RBFOX2: variants seen among roughly 807,000 people sequenced by gnomAD.
RBFOX2 encodes the protein RNA binding protein fox-1 homolog 2.
A neutral mutation model predicts 49.1 loss-of-function variants in RBFOX2; 10 were observed. The ratio of observed to expected loss-of-function variants is 0.20; its 90% CI spans 0.13 to 0.35. RBFOX2 has a LOEUF of 0.35. Among genes scored for constraint, RBFOX2 ranks in the 10% least tolerant of loss-of-function variants. RBFOX2 has a pLI of 1.00. For missense variants in RBFOX2, 323 were observed against 486.9 expected (o/e 0.66, Z 3.17); for synonymous variants, 183 against 187.4 (o/e 0.98, Z 0.19).
chr22:35,837,418 T>C (rs1460768802), intron 1 of RBFOX2, among the ~76,000 whole-genome samples: 3 of 152,252 alleles, frequency 2.0e-5, no homozygotes, highest in South Asian at 2.1e-4. Context: ...ACCACCAGTA[T>C]AGACATTCTA....
chr22:35,910,945 T>A (rs1169332920), intron 1 of RBFOX2, among the ~76,000 whole-genome samples: 1 of 152,226 alleles, frequency 6.6e-6, no homozygotes, highest in Non-Finnish European at 1.5e-5. Flanking sequence ...ATGAGTTCAG[T>A]GGGACTTATT....
chr22:35,855,353 A>G (rs1309378293), intron 1 of RBFOX2, among the ~76,000 whole-genome samples: 1 of 152,180 alleles, frequency 6.6e-6, no homozygotes, highest in Non-Finnish European at 1.5e-5. Flanking sequence ...GAATTCAGAA[A>G]ATAGTCCTTC....
intron 1 of RBFOX2, among the ~76,000 whole-genome samples, chr22:36,010,389 T>C (rs1033043248): frequency 6.6e-6 from 1 of 152,076 alleles, no homozygotes. Flanking sequence ...CCTTCCTCTG[T>C]GACTCGGGCC....
At chr22:35,972,136 C>A (rs527649382) in intron 1 of RBFOX2, among the ~76,000 whole-genome samples, 251 of 151,902 alleles carry the variant, frequency 1.7e-3, no homozygotes, top group Admixed American at 3.3e-3. Context: ...CCCAGAAACC[C>A]CCCAAACAGT....
chr22:35,860,241 C>T (rs2149077180), intron 1 of RBFOX2, among the ~76,000 whole-genome samples: 1 of 152,194 alleles, frequency 6.6e-6, no homozygotes, highest in South Asian at 2.1e-4. Context: ...CTGAGGCTTG[C>T]CCTCTCTTGC....
intron 1 of RBFOX2, among the ~76,000 whole-genome samples, chr22:35,928,039 A>G (rs1466314737): frequency 6.6e-6 from 1 of 152,332 alleles, no homozygotes; most frequent in Non-Finnish European, 1.5e-5. Context: ...ATGACTTACT[A>G]GCCCTATTTA....
At chr22:35,760,140 G>A (rs1265767941) in intron 8 of RBFOX2, 120 bp from the exon 10 acceptor site, 7 of 1,317,722 alleles carry the variant, frequency 5.3e-6, no homozygotes, top group Non-Finnish European at 6.4e-6. Context: ...ACACCTTTTT[G>A]GAAAAGGTGG....
chr22:35,767,241 G>A (rs1941271579), intron 5 of RBFOX2, among the ~76,000 whole-genome samples: 1 of 150,536 alleles, frequency 6.6e-6, no homozygotes, highest in Non-Finnish European at 1.5e-5. Context: ...AAAAGGAAGA[G>A]GAACAACAAG....
At chr22:35,979,423 G>C (rs964024280) in intron 1 of RBFOX2, among the ~76,000 whole-genome samples, 1 of 152,212 alleles carries the variant, frequency 6.6e-6, no homozygotes, top group Non-Finnish European at 1.5e-5. Flanking sequence ...ATCTCTGCCA[G>C]TTATATAGGA....
chr22:36,002,384 TA>T (rs1366089740), intron 1 of RBFOX2, among the ~76,000 whole-genome samples: 1 of 151,874 alleles, frequency 6.6e-6, no homozygotes, highest in Admixed American at 6.6e-5. Flanking sequence ...ATCATGATTT[TA>T]AAAAAAACAA....
intron 1 of RBFOX2, among the ~76,000 whole-genome samples, chr22:35,878,067 C>T (rs1176343117): frequency 6.6e-6 from 1 of 151,562 alleles, no homozygotes; most frequent in Non-Finnish European, 1.5e-5. Context: ...CACACACACA[C>T]ACACACACAC....
At chr22:36,017,283 A>G (rs1603467757) in intron 1 of RBFOX2, among the ~76,000 whole-genome samples, 2 of 152,138 alleles carry the variant, frequency 1.3e-5, no homozygotes, top group African/African-American at 4.8e-5. Flanking sequence ...TAATCCCAGC[A>G]CTTTGCAAGC....
chr22:35,812,294 T>C (rs551061391), intron 1 of RBFOX2, among the ~76,000 whole-genome samples: 8 of 151,836 alleles, frequency 5.3e-5, no homozygotes, highest in Non-Finnish European at 8.8e-5. Context: ...AAAACCCCTC[T>C]CTTTAGTTCT....
intron 9 of RBFOX2, among the ~76,000 whole-genome samples, chr22:35,757,721 T>A (rs1006538698): frequency 6.6e-6 from 1 of 152,132 alleles, no homozygotes; most frequent in Non-Finnish European, 1.5e-5. Flanking sequence ...TTTAGCTAAG[T>A]CCCATTCATT....
chr22:35,890,444 T>C (rs1255760235), intron 1 of RBFOX2, among the ~76,000 whole-genome samples: 2 of 152,194 alleles, frequency 1.3e-5, no homozygotes, highest in South Asian at 2.1e-4. Flanking sequence ...AATAATTATA[T>C]ACTATAATAA....
intron 1 of RBFOX2, among the ~76,000 whole-genome samples, chr22:35,919,233 A>C (rs1176238946): frequency 6.6e-6 from 1 of 152,236 alleles, no homozygotes; most frequent in Non-Finnish European, 1.5e-5. Context: ...TAGTGGGCAT[A>C]GAGGAATTAA....
At chr22:36,018,616 CTT>C (rs1382872268) in intron 1 of RBFOX2, among the ~76,000 whole-genome samples, 3 of 151,944 alleles carry the variant, frequency 2.0e-5, no homozygotes, top group Non-Finnish European at 4.4e-5. Context: ...CAAATTGACT[CTT>C]TTGTTTTATT....
chr22:35,911,946 A>AT (rs780606716), intron 1 of RBFOX2, among the ~76,000 whole-genome samples: 28 of 150,806 alleles, frequency 1.9e-4, no homozygotes, highest in African/African-American at 3.7e-4. Flanking sequence ...TGGTTCACTC[A>AT]TTTTTTTTTA....
At chr22:35,782,934 A>G (rs1945512882) in intron 2 of RBFOX2, among the ~76,000 whole-genome samples, 1 of 152,166 alleles carries the variant, frequency 6.6e-6, no homozygotes, top group Admixed American at 6.5e-5. Flanking sequence ...ACGCTCACAC[A>G]TGCACACAAG....
Sources: gnomAD v4.1 joint callset for allele counts (sites outside exome capture counted in the v4.1 genomes callset) on GRCh38, gnomAD v4.1.1 for gene constraint, MANE v1.5 for transcripts, NCBI Gene and HGNC (gene_info 2026-07-23, HGNC 2026-07-21) for gene names.